Variants in AGAP1 observed in about 807,000 individuals in gnomAD.
AGAP1 encodes ArfGAP with GTPase domain, ankyrin repeat and PH domain 1, also known as arf-GAP with GTPase, ANK repeat and PH domain-containing protein 1.
Under a neutral mutation model 105.3 loss-of-function variants are expected in AGAP1, and 29 were observed. The ratio of observed to expected loss-of-function variants is 0.28; its 90% CI spans 0.21 to 0.38. The LOEUF (loss-of-function observed/expected upper bound fraction) is 0.38, where lower values mean the gene tolerates loss of function less well. Ranked by LOEUF, AGAP1 falls within the 10% of genes least tolerant of loss-of-function variation. AGAP1 has a pLI of 1.00. For synonymous variants in AGAP1, 509 were observed against 485.9 expected, an observed-to-expected ratio of 1.05 and a Z score of -0.63; for missense variants, 998 against 1,165.1, an observed-to-expected ratio of 0.86 and a Z score of 2.09.
chr2:236,075,058 G>T (rs936379991), intron 16 of AGAP1, among the ~76,000 whole-genome samples: 1 of 151,946 alleles, frequency 6.6e-6, no homozygotes, highest in Non-Finnish European at 1.5e-5. Flanking sequence ...CTCTCAAAAA[G>T]AAAAAAGCGA....
chr2:235,638,768 G>A (rs1947094971), intron 1 of AGAP1, among the ~76,000 whole-genome samples: 1 of 152,196 alleles, frequency 6.6e-6, no homozygotes, highest in African/African-American at 2.4e-5. Flanking sequence ...GAGGAGGAGG[G>A]AGCAGCCAGG....
intron 1 of AGAP1, among the ~76,000 whole-genome samples, chr2:235,591,414 G>T (rs915030866): frequency 6.6e-6 from 1 of 152,192 alleles, no homozygotes; most frequent in South Asian, 2.1e-4. Context: ...GGTGTGAAAC[G>T]CAGTGGCCCT....
rs997004583 is a variant in AGAP1 at position 235,934,119 on chromosome 2, A to G, written c.1483+3196A>G. Among the ~76,000 whole-genome samples the G allele has an allele frequency of 2.0e-5, 3 of 152,214 alleles. No homozygotes were observed. Among genetic ancestry groups the G allele is most frequent in the African/African-American group, 7.2e-5 (3 of 41,456 alleles). The stretch of plus-strand genomic sequence containing the variant: ...AAGGTGTGCCTCCAGGAGCAGCAGC[A>G]GCAGCAGCCCCTGGGAACTGCTTAG... On this transcript the variant is annotated intron_variant, in intron 12 of 17. Coordinates refer to ENST00000304032, the MANE Select transcript of AGAP1 (RefSeq NM_001037131.3). This position sits in a 1 kb window ranked among gnomAD's most constrained non-coding sequence, Gnocchi z 4.9.
At chr2:235,651,183 T>TAAAA (rs1947574349) in intron 1 of AGAP1, among the ~76,000 whole-genome samples, 1 of 30,866 alleles carries the variant, frequency 3.2e-5, no homozygotes, top group Admixed American at 6.8e-4. Context: ...AAACTCCATC[T>TAAAA]CAAAAAAAAA....
At chr2:235,590,715 A>AT (rs67076321) in intron 1 of AGAP1, among the ~76,000 whole-genome samples, 1,804 of 53,682 alleles carry the variant, frequency 0.034, 231 homozygotes, top group East Asian at 0.18. Flanking sequence ...GTGTGTGTGC[A>AT]TTTTTTTTTT....
rs114746363 is a variant in AGAP1, at chr2:236,089,456, G to C, written c.2115-30736G>C. Among the ~76,000 whole-genome samples, 581 of 152,350 alleles carry C rather than the reference G, an allele frequency of 3.8e-3. 3 individuals are homozygous for C. The highest frequency in any genetic ancestry group is 0.013 in the African/African-American group (547 of 41,590). On this transcript the variant is annotated intron_variant, in intron 16 of 17. Transcript: ENST00000304032. The surrounding 1 kb of genome is among the most constrained non-coding windows in gnomAD (Gnocchi z 5.6). ...GATAAAGCGCCTACTAGGCTGCCGG[G>C]TACTGGCAGAAGAGAGTGAGCGTAG...
chr2:235,526,817 C>G (rs1942858358), intron 1 of AGAP1, among the ~76,000 whole-genome samples: 1 of 152,024 alleles, frequency 6.6e-6, no homozygotes, highest in Non-Finnish European at 1.5e-5. Flanking sequence ...TATGATAAAC[C>G]TAAAAATTAA....
intron 1 of AGAP1, among the ~76,000 whole-genome samples, chr2:235,640,258 C>G (rs1010985449): frequency 1.3e-5 from 2 of 152,198 alleles, no homozygotes; most frequent in African/African-American, 4.8e-5. Flanking sequence ...ATTTGAACTC[C>G]CATCTCCCTA....
intron 11 of AGAP1, among the ~76,000 whole-genome samples, chr2:235,917,171 C>G (rs77523103): frequency 2.3e-4 from 35 of 152,254 alleles, no homozygotes; most frequent in South Asian, 1.5e-3. Flanking sequence ...TACATCCCCC[C>G]CTTCCCTACT....
rs902404104 is a variant in AGAP1 at position 235,692,141 on chromosome 2, G to C, written c.164-17038G>C. ...TCATCTAAGAAGCTTTTGTACATGC[G>C]TTATGTATCCATAAGCCAAAGCCGG... is the stretch of plus-strand genomic sequence containing the variant. On this transcript the variant is annotated intron_variant, in intron 1 of 17. Coordinates refer to ENST00000304032, the MANE Select transcript of AGAP1 (RefSeq NM_001037131.3). The surrounding 1 kb of genome is among the most constrained non-coding windows in gnomAD (Gnocchi z 5.8). Among the ~76,000 whole-genome samples the C allele has an allele frequency of 1.3e-5, 2 of 152,072 alleles. No homozygotes were observed. Among genetic ancestry groups the C allele is most frequent in the South Asian group, 2.1e-4 (1 of 4,826 alleles).
In AGAP1 at chr2:235,741,698, ATTG is replaced by A. The variant is rs1559420877; in HGVS notation, c.396+653_396+655del. ...TTTACCAGTTAAGCACTTTATTATT[ATTG>A]TTATTATTATTATTGTTGTTGTTGT... On this transcript the variant is annotated intron_variant, in intron 4 of 17. Coordinates refer to ENST00000304032, the MANE Select transcript of AGAP1 (RefSeq NM_001037131.3). The surrounding 1 kb of genome is among the most constrained non-coding windows in gnomAD (Gnocchi z 4.9). Among the ~76,000 whole-genome samples the A allele has an allele frequency of 2.0e-5, 3 of 150,424 alleles. No homozygotes were observed. Among genetic ancestry groups the A allele is most frequent in the South Asian group, 2.1e-4 (1 of 4,752 alleles).
In AGAP1 at chr2:235,621,467, T is replaced by C. The variant is rs1268260046; in HGVS notation, c.164-87712T>C. On this transcript the variant is annotated intron_variant, in intron 1 of 17. Coordinates refer to ENST00000304032, the MANE Select transcript of AGAP1 (RefSeq NM_001037131.3). This position sits in a 1 kb window ranked among gnomAD's most constrained non-coding sequence, Gnocchi z 4.1. Reference sequence around the variant, plus strand: ...TGAGCCAGAGCCTCTGCTGCTGCCATTGGCGTTGGCACCATTCTTACCTCC... The same window carrying C: ...TGAGCCAGAGCCTCTGCTGCTGCCACTGGCGTTGGCACCATTCTTACCTCC... Among the ~76,000 whole-genome samples, 1 of 152,246 alleles carries C rather than the reference T, an allele frequency of 6.6e-6. No homozygotes were observed. The highest frequency in any genetic ancestry group is 1.5e-5 in the Non-Finnish European group (1 of 68,054).
chr2:235,846,403 T>C (rs1455020996), intron 9 of AGAP1, among the ~76,000 whole-genome samples: 1 of 150,690 alleles, frequency 6.6e-6, no homozygotes, highest in Non-Finnish European at 1.5e-5. Flanking sequence ...CTCAGCTGAC[T>C]GCGACCTCCA....
Position 235,690,073 on chromosome 2 carries a change from C to G in AGAP1, c.164-19106C>G, listed in dbSNP as rs148842433. ...TCTAAGCCCCTGGGTGTCTCTCCCT[C>G]GGGGTTTTCATGCAGTATTGACACT... On this transcript the variant is annotated intron_variant, in intron 1 of 17. Transcript: ENST00000304032. The surrounding 1 kb of genome is among the most constrained non-coding windows in gnomAD (Gnocchi z 4.1). Among the ~76,000 whole-genome samples, 174 of 152,162 alleles carry G rather than the reference C, an allele frequency of 1.1e-3. 1 individual carries two copies. The South Asian group carries it at 0.013, about 11-fold the overall frequency.
chr2:235,717,581 G>A lies in AGAP1; in HGVS notation c.247G>A (p.Gly83Ser), dbSNP rs201400274. ...KVGIVGNLAS[G>S]KSALVHRYLT... ...GGGAATTGTGGGTAACTTGGCCAGC[G>A]GCAAGTCTGCCCTGGTGCACCGGTA... The change falls in exon 3 of 18, where the codon GGC becomes AGC. Residue 83 changes from glycine to serine, a missense_variant. Gly to Ser is a moderately conservative substitution (Grantham distance 56). Coordinates refer to ENST00000304032, the MANE Select transcript of AGAP1 (RefSeq NM_001037131.3). The A allele has an allele frequency of 6.5e-4, 1,040 of 1,600,636 alleles. 4 individuals are homozygous for A. Among genetic ancestry groups the A allele is most frequent in the Middle Eastern group, 3.0e-3 (18 of 6,040 alleles).
intron 1 of AGAP1, among the ~76,000 whole-genome samples, chr2:235,533,518 T>C (rs1943111301): frequency 6.6e-6 from 1 of 152,204 alleles, no homozygotes; most frequent in Non-Finnish European, 1.5e-5. Flanking sequence ...ATGCTAAGGA[T>C]CAAAACAAAG....
chr2:235,928,515 A>T (rs2125139701), intron 11 of AGAP1, among the ~76,000 whole-genome samples: 1 of 152,250 alleles, frequency 6.6e-6, no homozygotes, highest in East Asian at 1.9e-4. Flanking sequence ...TGCCATGCTC[A>T]CCATTGGTTG....
At chr2:236,037,951 A>G (rs534088102) in intron 14 of AGAP1, among the ~76,000 whole-genome samples, 3 of 152,228 alleles carry the variant, frequency 2.0e-5, no homozygotes, top group Non-Finnish European at 2.9e-5. Context: ...ATTTCTGCCT[A>G]TGATTTATGT....
At chr2:235,516,463 G>T (rs2149040661) in intron 1 of AGAP1, among the ~76,000 whole-genome samples, 1 of 152,280 alleles carries the variant, frequency 6.6e-6, no homozygotes, top group East Asian at 1.9e-4. Flanking sequence ...GAAGTCTGGT[G>T]CAGCTTCTTT....
Sources: gnomAD v4.1 joint callset for allele counts (sites outside exome capture counted in the v4.1 genomes callset) on GRCh38, gnomAD v4.1.1 for gene constraint, Gnocchi (gnomAD v3.1) non-coding constraint, MANE v1.5 for transcripts, NCBI Gene and HGNC (gene_info 2026-07-23, HGNC 2026-07-21) for gene names.